The following GPC5 variants were observed in gnomAD, a reference collection of about 807,000 sequenced individuals.
GPC5 encodes glypican 5, also known as glypican-5.
In GPC5, 47 loss-of-function variants were observed where a neutral mutation model predicts 53.9. That is an observed-to-expected ratio of 0.87 (90% confidence interval 0.69 to 1.11). The LOEUF is 1.11. Among genes scored for constraint, GPC5 ranks in the 50% most tolerant of loss-of-function variants. The pLI is 0.00. For synonymous variants in GPC5, 286 were observed against 263.3 expected, an observed-to-expected ratio of 1.09 and a Z score of -0.84; for missense variants, 748 against 713.1, an observed-to-expected ratio of 1.05 and a Z score of -0.56.
At chr13:92,367,248 A>G (rs1375018239) in intron 7 of GPC5, among the ~76,000 whole-genome samples, 1 of 152,154 alleles carries the variant, frequency 6.6e-6, no homozygotes, top group Non-Finnish European at 1.5e-5. Context: ...GACTTCATTT[A>G]TTTTATGTTC....
At chr13:92,121,376 G>A (rs1483284998) in intron 6 of GPC5, among the ~76,000 whole-genome samples, 1 of 152,160 alleles carries the variant, frequency 6.6e-6, no homozygotes, top group Non-Finnish European at 1.5e-5. Flanking sequence ...TCTTTGAGAA[G>A]TCACACAAAC....
chr13:92,472,328 C>A (rs1878945063), intron 7 of GPC5, among the ~76,000 whole-genome samples: 1 of 152,034 alleles, frequency 6.6e-6, no homozygotes, highest in African/African-American at 2.4e-5. Flanking sequence ...CTTTAAGATA[C>A]AATGTTGAGC....
At chr13:91,461,537 C>T (rs756216980) in intron 2 of GPC5, among the ~76,000 whole-genome samples, 2 of 151,994 alleles carry the variant, frequency 1.3e-5, no homozygotes, top group East Asian at 1.9e-4. Flanking sequence ...TAGAATGGAA[C>T]GATAATAGTA....
intron 6 of GPC5, among the ~76,000 whole-genome samples, chr13:92,077,325 T>C (rs1455669426): frequency 2.0e-5 from 3 of 152,212 alleles, no homozygotes; most frequent in Non-Finnish European, 4.4e-5. Context: ...ACACCTGTTC[T>C]ATTGAATGAA....
At chr13:91,781,926 C>T (rs1464950281) in intron 5 of GPC5, among the ~76,000 whole-genome samples, 1 of 152,180 alleles carries the variant, frequency 6.6e-6, no homozygotes, top group Non-Finnish European at 1.5e-5. Context: ...TTATTATACT[C>T]TGAGCTAGTC....
chr13:91,957,058 G>T (rs2040079854), intron 6 of GPC5, among the ~76,000 whole-genome samples: 1 of 151,834 alleles, frequency 6.6e-6, no homozygotes. Context: ...AGAGAACAGA[G>T]AAAGACATTA....
chr13:92,683,037 A>T (rs1385485954), intron 7 of GPC5, among the ~76,000 whole-genome samples: 1 of 152,116 alleles, frequency 6.6e-6, no homozygotes, highest in Non-Finnish European at 1.5e-5. Context: ...GTGAGGTAAG[A>T]TCTGGCCCTG....
intron 5 of GPC5, among the ~76,000 whole-genome samples, chr13:91,799,081 C>T (rs1376395001): frequency 1.3e-5 from 2 of 152,222 alleles, no homozygotes; most frequent in South Asian, 2.1e-4. Flanking sequence ...TGGAAACAAC[C>T]TAGGTGTTCA....
rs546103702 is a variant in GPC5, at chr13:91,501,247, T to G, written c.325+52325T>G. Among the ~76,000 whole-genome samples, 1,085 of 151,446 alleles carry G rather than the reference T, an allele frequency of 7.2e-3. 15 individuals are homozygous for G. The highest frequency in any genetic ancestry group is 0.024 in the African/African-American group (977 of 41,180). On this transcript the variant is annotated intron_variant, in intron 2 of 7. Coordinates refer to ENST00000377067, the MANE Select transcript of GPC5 (RefSeq NM_004466.6). ...CTCAGCTCTTAAGACTTTGTTTTTT[T>G]TTTTTTTTTTTTTGTAATTTAAGTT...
chr13:91,647,091 GTGTGTGTGT>G (rs2034578511), intron 2 of GPC5, among the ~76,000 whole-genome samples: 4 of 107,812 alleles, frequency 3.7e-5, no homozygotes, highest in African/African-American at 1.5e-4. Context: ...GTGTGTGTGT[GTGTGTGTGT>G]GTGTGTGTGT....
At chr13:92,247,698 G>T (rs1320395909) in intron 7 of GPC5, among the ~76,000 whole-genome samples, 3 of 151,990 alleles carry the variant, frequency 2.0e-5, no homozygotes, top group Non-Finnish European at 1.5e-5. Flanking sequence ...ATATACTGTT[G>T]CTCCTAAGCA....
chr13:92,442,992 C>T (rs1045365633), intron 7 of GPC5, among the ~76,000 whole-genome samples: 16 of 152,172 alleles, frequency 1.1e-4, no homozygotes, highest in Non-Finnish European at 1.5e-4. Context: ...AATGGAATAC[C>T]GGAGGCTGGG....
intron 6 of GPC5, among the ~76,000 whole-genome samples, chr13:92,143,257 A>G (rs1190089268): frequency 6.6e-6 from 1 of 152,166 alleles, no homozygotes; most frequent in East Asian, 1.9e-4. Context: ...ATTATACTAA[A>G]TAGATAACAA....
chr13:91,927,606 A>T (rs2039781339), intron 6 of GPC5, among the ~76,000 whole-genome samples: 1 of 152,122 alleles, frequency 6.6e-6, no homozygotes, highest in Non-Finnish European at 1.5e-5. Flanking sequence ...TGATTTTGGA[A>T]ATGGGTTAGT....
chr13:91,627,517 C>T (rs911761951), intron 2 of GPC5, among the ~76,000 whole-genome samples: 5 of 151,992 alleles, frequency 3.3e-5, no homozygotes, highest in African/African-American at 9.6e-5. Context: ...TGTCACTCTC[C>T]AGACATATCT....
At chr13:92,529,453 T>C (rs539012970) in intron 7 of GPC5, among the ~76,000 whole-genome samples, 1 of 152,254 alleles carries the variant, frequency 6.6e-6, no homozygotes, top group African/African-American at 2.4e-5. Flanking sequence ...ACATATCAAA[T>C]CTCCAGTAAT....
At chr13:92,291,709 A>G (rs7994701) in intron 7 of GPC5, among the ~76,000 whole-genome samples, 54,155 of 151,764 alleles carry the variant, frequency 0.36, 10,290 homozygotes, top group Middle Eastern at 0.5. Context: ...TCTTGCTGCT[A>G]CTCCCTCTTT....
chr13:91,412,634 T>A (rs1447288918), intron 1 of GPC5, among the ~76,000 whole-genome samples: 2 of 152,186 alleles, frequency 1.3e-5, no homozygotes, highest in East Asian at 3.8e-4. Context: ...ATTAGTGAAC[T>A]TAACAGAGGA....
chr13:91,492,480 A>T (rs139541166), intron 2 of GPC5, among the ~76,000 whole-genome samples: 82 of 152,274 alleles, frequency 5.4e-4, no homozygotes, highest in African/African-American at 1.9e-3. Flanking sequence ...CTGTAAGCTT[A>T]AAACTAGGAG....
Sources: allele counts gnomAD v4.1 joint callset (sites outside exome capture counted in the v4.1 genomes callset), GRCh38; gene constraint gnomAD v4.1.1; transcripts MANE v1.5; gene names NCBI Gene and HGNC (gene_info 2026-07-23, HGNC 2026-07-21).